The following ADAMTS8 variants were observed in gnomAD, a reference collection of about 807,000 sequenced individuals.
ADAMTS8 encodes the protein A disintegrin and metalloproteinase with thrombospondin motifs 8.
Under a neutral mutation model 64.4 loss-of-function variants are expected in ADAMTS8, and 50 were observed. The ratio of observed to expected loss-of-function variants is 0.78; its 90% CI spans 0.62 to 0.98. The LOEUF is 0.98. Ranked by LOEUF, ADAMTS8 falls within the 50% of genes least tolerant of loss-of-function variation. The pLI is 0.00. For synonymous variants in ADAMTS8, 556 were observed against 533.6 expected, an observed-to-expected ratio of 1.04 and a Z score of -0.58; for missense variants, 1,192 against 1,208.2, an observed-to-expected ratio of 0.99 and a Z score of 0.20.
At chr11:130,414,057 TTTG>T (rs1861987215) in intron 5 of ADAMTS8, among the ~76,000 whole-genome samples, 1 of 151,718 alleles carries the variant, frequency 6.6e-6, no homozygotes, top group Non-Finnish European at 1.5e-5. Context: ...CTTTGGTTTG[TTTG>T]TTAAAAGATG....
chr11:130,415,873 A>G (rs1208194957), intron 4 of ADAMTS8, among the ~76,000 whole-genome samples: 1 of 151,996 alleles, frequency 6.6e-6, no homozygotes, highest in East Asian at 1.9e-4. Context: ...CCTCTGTGCT[A>G]TGTGCTTCTA....
In ADAMTS8 at chr11:130,406,102, A is replaced by T. The variant is rs776905281; in HGVS notation, c.2126T>A (p.Ile709Asn). 6.2e-7 allele frequency: 1 copy of T among 1,610,690 alleles called. No individual in the cohort carries two copies. Among genetic ancestry groups the T allele is most frequent in the East Asian group, 2.2e-5 (1 of 44,862 alleles). Residue 709 changes from isoleucine (I) to asparagine (N), a missense_variant, in exon 9 of 9, where the codon ATC becomes AAC. By Grantham distance (149) the Ile-to-Asn change is moderately radical. Coordinates refer to ENST00000257359, the MANE Select transcript of ADAMTS8 (RefSeq NM_007037.6). ...GTCAATATTAGTGGCACCAGCTGGG[A>T]TGGTGACAATGTCATTGTAGCCATA... ...TNYGYNDIVT[I>N]PAGATNIDVK...
At chr11:130,419,361 C>T (rs746439991) in intron 1 of ADAMTS8, 69 bp from the exon 2 acceptor site, 36 of 1,593,018 alleles carry the variant, frequency 2.3e-5, no homozygotes, top group African/African-American at 2.7e-5. Flanking sequence ...CTGGCCTGTC[C>T]GCTGCCATCA....
At chr11:130,417,918 T>C (rs1227381083) in intron 2 of ADAMTS8, among the ~76,000 whole-genome samples, 2 of 151,364 alleles carry the variant, frequency 1.3e-5, no homozygotes, top group Non-Finnish European at 2.9e-5. Context: ...AATCTCAGCA[T>C]TTTGAGAGGA....
chr11:130,406,461 C>A (rs1005798790), intron 8 of ADAMTS8, among the ~76,000 whole-genome samples: 12 of 152,302 alleles, frequency 7.9e-5, no homozygotes, highest in Middle Eastern at 3.4e-3. Flanking sequence ...CCAAACCTGG[C>A]ACCTGTCAAA....
In ADAMTS8 at chr11:130,405,565, G is replaced by A. The variant is rs1041214738; in HGVS notation, c.2663C>T (p.Pro888Leu). Residue 888 changes from proline to leucine, a missense_variant, in exon 9 of 9, where the codon CCC becomes CTC. Pro to Leu is a moderately conservative substitution (Grantham distance 98). Coordinates refer to ENST00000257359, the MANE Select transcript of ADAMTS8 (RefSeq NM_007037.6). ...DAKPCESQLC[P>L]L ...GGCCCCTGCCCCCCTGAATCACAGG[G>A]GGCACAGCTGGCTTTCGCAGGGCTT... The A allele has an allele frequency of 1.9e-6, 3 of 1,601,966 alleles. No homozygotes were observed. Among genetic ancestry groups the A allele is most frequent in the Non-Finnish European group, 2.6e-6 (3 of 1,172,168 alleles).
rs906341140 is a variant in ADAMTS8 at position 130,428,434 on chromosome 11, C to G, written c.-148G>C. 12 of 1,053,670 alleles carry G rather than the reference C, an allele frequency of 1.1e-5. No homozygotes were observed. In the African/African-American group the frequency reaches 2.1e-4, roughly 18 times the overall value. 65.3% of individuals were successfully genotyped at this position (1,053,670 alleles called of 1,614,324 possible). On this transcript the variant is annotated 5_prime_UTR_variant, in exon 1 of 9. Coordinates refer to ENST00000257359, the MANE Select transcript of ADAMTS8 (RefSeq NM_007037.6). ...GGCCGACTCGGCCCGCGGGGCCCGG[C>G]GGCGGGAGCGCTCCCCCGGCGGCCC...
In ADAMTS8 at chr11:130,416,867, C is replaced by T; in HGVS notation, c.1096+73G>A. The T allele has an allele frequency of 6.2e-7, 1 of 1,604,498 alleles. No homozygotes were observed. Among genetic ancestry groups the T allele is most frequent in the South Asian group, 1.1e-5 (1 of 90,416 alleles). ...GCAAGGGCCGCATATTCCTTAGGATCTACGCAACCTTGGATCTGGAAGAGC... is the reference window on the plus strand; with the variant it reads ...GCAAGGGCCGCATATTCCTTAGGATTTACGCAACCTTGGATCTGGAAGAGC... On this transcript the variant is annotated intron_variant, in intron 3 of 8. Transcript: ENST00000257359. This position sits in a 1 kb window ranked among gnomAD's most constrained non-coding sequence, Gnocchi z 4.8.
Position 130,414,552 on chromosome 11 carries a change from C to T in ADAMTS8, c.1545G>A (p.Glu515=). ...HLCSEGSCLP[E]EEVERPKPVA... ...TCACCTTGGGCCTCTCCACTTCCTC[C>T]TCAGGTAGACAGCTGCCTTCTGAGC... Residue 515 remains glutamate (E), a synonymous_variant, in exon 5 of 9, where the codon GAG becomes GAA. Transcript: ENST00000257359. 6.2e-7 allele frequency: 1 copy of T among 1,604,338 alleles called. No homozygotes were observed. The highest frequency in any genetic ancestry group is 8.5e-7 in the Non-Finnish European group (1 of 1,173,486).
rs904596604 is a variant in ADAMTS8 at position 130,416,656 on chromosome 11, C to A, written c.1096+284G>T. On this transcript the variant is annotated intron_variant, in intron 3 of 8. Transcript: ENST00000257359. The surrounding 1 kb of genome is among the most constrained non-coding windows in gnomAD (Gnocchi z 4.8). ...GCTTGTGCACAGCTCCACGCCTCCA[C>A]CCCAGCACGTGTCTGGTGTCCTGTG... 2.6e-5 allele frequency among the ~76,000 whole-genome samples: 4 copies of A among 152,242 alleles called. No homozygotes were observed. Among genetic ancestry groups the A allele is most frequent in the African/African-American group, 7.2e-5 (3 of 41,464 alleles).
chr11:130,415,723 C>T (rs1481092490), intron 4 of ADAMTS8, among the ~76,000 whole-genome samples: 1 of 151,738 alleles, frequency 6.6e-6, no homozygotes, highest in Admixed American at 6.6e-5. Context: ...ATCCTCCTGC[C>T]TCAGCCTCCT....
Position 130,411,906 on chromosome 11 carries a change from G to T in ADAMTS8, c.1567-306C>A, listed in dbSNP as rs1861957459. ...AATGACACCCTTTTATGGGAATAAG[G>T]TTGCATATAATGCAGTGGTTCTCCG... On this transcript the variant is annotated intron_variant, in intron 5 of 8. Coordinates refer to ENST00000257359, the MANE Select transcript of ADAMTS8 (RefSeq NM_007037.6). The surrounding 1 kb of genome is among the most constrained non-coding windows in gnomAD (Gnocchi z 4.2). The T allele has an allele frequency of 1.6e-5, 6 of 366,320 alleles. No homozygotes were observed. In the South Asian group the frequency reaches 2.4e-4, roughly 14 times the overall value. 22.7% of individuals were successfully genotyped at this position (366,320 alleles called of 1,614,324 possible). A position where few individuals can be genotyped will look rare whatever the true frequency, so the allele number is the denominator to read the frequency against.
rs540298430 is a variant in ADAMTS8 at position 130,421,102 on chromosome 11, G to A, written c.721-1810C>T. On this transcript the variant is annotated intron_variant, in intron 1 of 8. Transcript: ENST00000257359. ...GAAGATGAGGTCGCACAAGGAAGGT[G>A]TAAAGCTAAGGAACACCAGCTGCTA... 3.3e-5 allele frequency among the ~76,000 whole-genome samples: 5 copies of A among 152,332 alleles called. No individual in the cohort carries two copies. The East Asian group carries it at 7.7e-4, about 24-fold the overall frequency.
intron 1 of ADAMTS8, among the ~76,000 whole-genome samples, chr11:130,424,272 G>C (rs11222094): frequency 0.047 from 7,137 of 152,306 alleles, 287 homozygotes; most frequent in East Asian, 0.21. Context: ...TACTGATCCT[G>C]ATCGGTGCTG....
At chr11:130,426,417 G>A (rs775059364) in intron 1 of ADAMTS8, among the ~76,000 whole-genome samples, 1 of 152,204 alleles carries the variant, frequency 6.6e-6, no homozygotes, top group Non-Finnish European at 1.5e-5. Context: ...ATTGGGTCCC[G>A]GCCAAGGATG....
chr11:130,421,989 G>A (rs1050273495), intron 1 of ADAMTS8, among the ~76,000 whole-genome samples: 1 of 152,254 alleles, frequency 6.6e-6, no homozygotes, highest in Non-Finnish European at 1.5e-5. Context: ...CCCAAACCAC[G>A]GCAGGTAGGT....
chr11:130,414,394 G>T, intron 5 of ADAMTS8, 137 bp downstream of exon 5: 1 of 1,112,328 alleles, frequency 9.0e-7, no homozygotes, highest in Middle Eastern at 2.1e-4. Flanking sequence ...GGATTCCAGT[G>T]TGAGCCGCTC....
At chr11:130,426,957 G>C (rs1287399525) in intron 1 of ADAMTS8, among the ~76,000 whole-genome samples, 2 of 152,254 alleles carry the variant, frequency 1.3e-5, no homozygotes, top group South Asian at 2.1e-4. Context: ...GGGGCTGAGC[G>C]CCAGGTTGGC....
In ADAMTS8 at chr11:130,428,076, C is replaced by T. The variant is rs767869304; in HGVS notation, c.211G>A (p.Asp71Asn). 6 of 1,537,698 alleles carry T rather than the reference C, an allele frequency of 3.9e-6. No homozygotes were observed. Among genetic ancestry groups the T allele is most frequent in the South Asian group, 2.4e-5 (2 of 84,076 alleles). The change falls in exon 1 of 9, where the codon GAC (aspartate) becomes AAC (asparagine). Residue 71 changes from aspartate to asparagine, a missense_variant. Physicochemically the swap from Asp to Asn is conservative, Grantham distance 23 (BLOSUM62 1). Transcript: ENST00000257359. The stretch of plus-strand genomic sequence containing the variant: ...AACTCGGGCGCTAGGAAGCTGTCGT[C>T]GGGCGCCAGGCGCAGCACGAAGCCC... ...GKGFVLRLAPDDSFLAPEFKI... is the reference protein window; with the variant it reads ...GKGFVLRLAPNDSFLAPEFKI...
Sources: gnomAD v4.1 joint callset for allele counts (sites outside exome capture counted in the v4.1 genomes callset) on GRCh38, gnomAD v4.1.1 for gene constraint, Gnocchi (gnomAD v3.1) non-coding constraint, MANE v1.5 for transcripts, NCBI Gene and HGNC (gene_info 2026-07-23, HGNC 2026-07-21) for gene names.